NECAB1: variants seen among roughly 807,000 people sequenced by gnomAD.
NECAB1 encodes N-terminal EF-hand calcium binding protein 1.
Under a neutral mutation model 57.5 loss-of-function variants are expected in NECAB1, and 29 were observed. The observed-to-expected ratio is 0.50, with a 90% CI of 0.38 to 0.69. NECAB1 has a LOEUF of 0.69. NECAB1 is among the 30% of genes least tolerant of loss of function. The pLI is 0.00. For synonymous variants in NECAB1, 142 were observed against 147.7 expected (o/e 0.96, Z 0.28); for missense variants, 372 against 413.8 (o/e 0.90, Z 0.88).
intron 3 of NECAB1, among the ~76,000 whole-genome samples, chr8:90,856,126 A>G (rs188366925): frequency 1.7e-3 from 261 of 152,298 alleles, no homozygotes; most frequent in African/African-American, 6.0e-3. Context: ...AATTAAATAC[A>G]AAGTAAACAT....
intron 3 of NECAB1, among the ~76,000 whole-genome samples, chr8:90,851,474 T>C (rs976110727): frequency 1.3e-5 from 2 of 152,154 alleles, no homozygotes; most frequent in South Asian, 2.1e-4. Context: ...AGGATCATAA[T>C]TGAATTGTAG....
chr8:90,839,205 G>A (rs1179878825), intron 3 of NECAB1, among the ~76,000 whole-genome samples: 1 of 152,146 alleles, frequency 6.6e-6, no homozygotes, highest in Non-Finnish European at 1.5e-5. Flanking sequence ...TATCGGAAGA[G>A]GCTACCACAA....
At chr8:90,861,909 A>C (rs920801122) in intron 3 of NECAB1, among the ~76,000 whole-genome samples, 2 of 152,136 alleles carry the variant, frequency 1.3e-5, no homozygotes, top group Non-Finnish European at 2.9e-5. Context: ...TGATAGTAAT[A>C]CCTTGAGAAT....
intron 10 of NECAB1, among the ~76,000 whole-genome samples, chr8:90,942,336 ACCT>A (rs560205491): frequency 5.2e-4 from 79 of 151,950 alleles, no homozygotes; most frequent in African/African-American, 1.8e-3. Flanking sequence ...TGGGTGGCTG[ACCT>A]CCTCTCTAGA....
chr8:90,828,594 A>G (rs896767640), intron 3 of NECAB1, among the ~76,000 whole-genome samples: 2 of 152,052 alleles, frequency 1.3e-5, no homozygotes, highest in African/African-American at 2.4e-5. Flanking sequence ...CAGCAACTTT[A>G]GAAGTGAAAA....
At chr8:90,951,307 A>T in intron 12 of NECAB1, 103 bp downstream of exon 12, 1 of 626,412 alleles carries the variant, frequency 1.6e-6, no homozygotes, top group Non-Finnish European at 2.7e-6. Flanking sequence ...TATCAATGGT[A>T]CTCTCTTATT....
At chr8:90,923,979 AAT>A (rs1810196691) in intron 6 of NECAB1, among the ~76,000 whole-genome samples, 1 of 152,230 alleles carries the variant, frequency 6.6e-6, no homozygotes, top group Non-Finnish European at 1.5e-5. Context: ...TCAGAATTGG[AAT>A]ATGTGTCCAG....
At chr8:90,917,946 A>ATATGTGTG (rs1810011371) in intron 6 of NECAB1, among the ~76,000 whole-genome samples, 1 of 40,816 alleles carries the variant, frequency 2.5e-5, no homozygotes, top group African/African-American at 5.5e-4. Context: ...ATGTGTGTAT[A>ATATGTGTG]TATATACACA....
Position 90,952,575 on chromosome 8 carries a change from G to A in NECAB1, c.1030+1371G>A, listed in dbSNP as rs1358078172. Among the ~76,000 whole-genome samples, 9 of 152,060 alleles carry A rather than the reference G, an allele frequency of 5.9e-5. No homozygotes were observed. The South Asian group carries it at 8.3e-4, about 14-fold the overall frequency. On this transcript the variant is annotated intron_variant, in intron 12 of 12. Transcript: ENST00000417640. ...GGGCGGATCACAAGGCCAGGAGCTC[G>A]AAACCAGCCTGACCAACATGGTGAA...
intron 1 of NECAB1, among the ~76,000 whole-genome samples, chr8:90,796,073 AG>A (rs1245966514): frequency 6.6e-6 from 1 of 152,206 alleles, no homozygotes; most frequent in Non-Finnish European, 1.5e-5. Flanking sequence ...GGCCTACCCT[AG>A]GCAAAATTGA....
rs751534130 is a variant in NECAB1 at position 90,957,188 on chromosome 8, A to G, written c.*1676A>G. 2.5e-4 allele frequency: 38 copies of G among 152,052 alleles called. No individual in the cohort carries two copies. Among genetic ancestry groups the G allele is most frequent in the Non-Finnish European group, 4.7e-4 (32 of 67,952 alleles). 9.4% of individuals were successfully genotyped at this position (152,052 alleles called of 1,614,324 possible). On this transcript the variant is annotated 3_prime_UTR_variant, in exon 13 of 13. Coordinates refer to ENST00000417640, the MANE Select transcript of NECAB1 (RefSeq NM_022351.5). Reference sequence around the variant, plus strand: ...GATTGTATATAGTAAGAAAAGATCAAAAGACTTTAAAACCTAAATGACTTT... The same window carrying G: ...GATTGTATATAGTAAGAAAAGATCAGAAGACTTTAAAACCTAAATGACTTT...
At chr8:90,808,877 C>T (rs1811904608) in intron 2 of NECAB1, among the ~76,000 whole-genome samples, 2 of 151,982 alleles carry the variant, frequency 1.3e-5, no homozygotes, top group Non-Finnish European at 2.9e-5. Flanking sequence ...GAACTCCTGA[C>T]CTCATGATCT....
chr8:90,950,972 C>G (rs1810913449), intron 11 of NECAB1, 141 bp from the exon 12 acceptor site: 1 of 410,364 alleles, frequency 2.4e-6, no homozygotes, highest in Non-Finnish European at 4.3e-6. Flanking sequence ...GCTGAACAAC[C>G]ATTAAAAGAA....
intron 10 of NECAB1, among the ~76,000 whole-genome samples, chr8:90,944,270 G>T (rs2130251338): frequency 6.6e-6 from 1 of 152,290 alleles, no homozygotes; most frequent in Admixed American, 6.5e-5. Context: ...TTACAACAAG[G>T]TCTTGCTTTC....
Position 90,940,781 on chromosome 8 carries a change from G to C in NECAB1, c.748-5G>C, listed in dbSNP as rs756491087. ...ACGCAGTGACCCTCGCCCCTTCCTT[G>C]GCAGCACATCATGCTTGTGCAGCGG... On this transcript the variant is annotated splice_region_variant and splice_polypyrimidine_tract_variant and intron_variant, in intron 9 of 12. Coordinates refer to ENST00000417640, the MANE Select transcript of NECAB1 (RefSeq NM_022351.5). 1 of 1,555,074 alleles carries C rather than the reference G, an allele frequency of 6.4e-7. No individual in the cohort carries two copies. The highest frequency in any genetic ancestry group is 1.2e-5 in the South Asian group (1 of 84,238).
intron 4 of NECAB1, among the ~76,000 whole-genome samples, chr8:90,880,532 G>GAAA (rs11384107): frequency 7.1e-6 from 1 of 141,580 alleles, no homozygotes. Context: ...CAAATTGTTG[G>GAAA]AAAAAAAAAA....
At chr8:90,936,749 G>T (rs1402851870) in intron 9 of NECAB1, among the ~76,000 whole-genome samples, 1 of 152,038 alleles carries the variant, frequency 6.6e-6, no homozygotes, top group Non-Finnish European at 1.5e-5. Context: ...TAGTTTTCTG[G>T]GCAATGAGCC....
chr8:90,948,604 T>C (rs769703707), intron 10 of NECAB1, among the ~76,000 whole-genome samples: 8 of 152,248 alleles, frequency 5.3e-5, no homozygotes, highest in Non-Finnish European at 1.0e-4. Flanking sequence ...CCCCTCGTTT[T>C]GCTTTCTAAT....
chr8:90,882,286 T>C (rs35918434), intron 5 of NECAB1, among the ~76,000 whole-genome samples: 49,204 of 151,816 alleles, frequency 0.32, 8,964 homozygotes, highest in East Asian at 0.74. Context: ...TGGAAAACAA[T>C]AAAGACTCAA....
Sources: allele counts gnomAD v4.1 joint callset (sites outside exome capture counted in the v4.1 genomes callset), GRCh38; gene constraint gnomAD v4.1.1; transcripts MANE v1.5; gene names NCBI Gene and HGNC (gene_info 2026-07-23, HGNC 2026-07-21).